MAD1L1: variants seen among roughly 807,000 people sequenced by gnomAD.
MAD1L1 encodes mitotic arrest deficient 1 like 1.
In MAD1L1, 95 loss-of-function variants were observed where a neutral mutation model predicts 96.9. That is an observed-to-expected ratio of 0.98 (90% CI 0.83 to 1.16). The LOEUF is 1.16. MAD1L1 is among the 50% of genes most tolerant of loss of function. The pLI, the probability that MAD1L1 is intolerant of heterozygous loss-of-function variation, is 0.00. For synonymous variants in MAD1L1, 473 were observed against 396.6 expected (o/e 1.19, Z -2.29); for missense variants, 1,007 against 954.4 (o/e 1.06, Z -0.73).
At chr7:1,887,169 A>C (rs1786089814) in intron 18 of MAD1L1, among the ~76,000 whole-genome samples, 1 of 152,270 alleles carries the variant, frequency 6.6e-6, no homozygotes, top group Non-Finnish European at 1.5e-5. Flanking sequence ...TCACAGAAGC[A>C]GGTGCCACAT....
chr7:1,847,293 G>A (rs1247564303), intron 18 of MAD1L1: 1 of 471,062 alleles, frequency 2.1e-6, no homozygotes, highest in Non-Finnish European at 4.4e-6. Flanking sequence ...TGCCAGGACT[G>A]CAGGAGCCGC....
intron 12 of MAD1L1, among the ~76,000 whole-genome samples, chr7:2,060,435 TGA>T (rs1291934778): frequency 6.7e-6 from 1 of 149,924 alleles, no homozygotes; most frequent in Non-Finnish European, 1.5e-5. Flanking sequence ...ACGCCGATGC[TGA>T]GATAACGCCG....
chr7:1,846,120 C>G (rs964201146), intron 18 of MAD1L1: 2 of 152,698 alleles, frequency 1.3e-5, no homozygotes, highest in Admixed American at 6.5e-5. Context: ...GCGTCCAGAA[C>G]TGAAGAAGGG....
At chr7:2,185,940 C>G (rs1791440509) in intron 10 of MAD1L1, among the ~76,000 whole-genome samples, 2 of 152,202 alleles carry the variant, frequency 1.3e-5, no homozygotes, top group South Asian at 4.1e-4. Flanking sequence ...TGCCTGAGAG[C>G]CTGAAAGCTA....
At chr7:2,129,791 C>T (rs904570948) in intron 11 of MAD1L1, among the ~76,000 whole-genome samples, 3 of 152,234 alleles carry the variant, frequency 2.0e-5, no homozygotes, top group Non-Finnish European at 4.4e-5. Context: ...CTCGAGCCAA[C>T]GGCCTCCCCC....
chr7:1,934,320 C>T (rs73050174), intron 17 of MAD1L1, among the ~76,000 whole-genome samples: 5,154 of 152,274 alleles, frequency 0.034, 195 homozygotes, highest in Admixed American at 0.099. Context: ...AGCCAGATGC[C>T]GACCACCCGC....
intron 11 of MAD1L1, among the ~76,000 whole-genome samples, chr7:2,082,247 G>A (rs752993582): frequency 2.2e-4 from 33 of 152,026 alleles, no homozygotes; most frequent in Non-Finnish European, 3.4e-4. Context: ...CAGCTGCACG[G>A]GAAACCAGAA....
intron 16 of MAD1L1, among the ~76,000 whole-genome samples, chr7:1,940,974 C>CCCTCCTCTTCCTCCCCAGGCCTCAG (rs1778948929): frequency 1.8e-5 from 2 of 114,150 alleles, no homozygotes; most frequent in Admixed American, 8.1e-5. Flanking sequence ...GCAGGCCTCA[C>CCCTCCTCTTCCTCCCCAGGCCTCAG]CCTCCTCTTC....
At chr7:1,966,994 A>G (rs1780197874) in intron 15 of MAD1L1, among the ~76,000 whole-genome samples, 1 of 152,234 alleles carries the variant, frequency 6.6e-6, no homozygotes, top group African/African-American at 2.4e-5. Context: ...GAGCATCGAC[A>G]ATGAAGGAGG....
intron 18 of MAD1L1, among the ~76,000 whole-genome samples, chr7:1,869,110 G>A (rs116904927): frequency 0.011 from 1,606 of 152,232 alleles, 17 homozygotes; most frequent in Non-Finnish European, 0.018. Flanking sequence ...GGGAACATCC[G>A]AGCAACGATC....
chr7:1,886,478 G>T (rs540194414), intron 18 of MAD1L1, among the ~76,000 whole-genome samples: 1 of 152,362 alleles, frequency 6.6e-6, no homozygotes, highest in Non-Finnish European at 1.5e-5. Context: ...CGATTCATGA[G>T]TCGACACCTC....
intron 18 of MAD1L1, among the ~76,000 whole-genome samples, chr7:1,822,418 C>T (rs1479020539): frequency 5.8e-5 from 8 of 139,000 alleles, no homozygotes; most frequent in Non-Finnish European, 1.1e-4. Context: ...TAATTGCTGT[C>T]CAAACCTCAG....
chr7:2,196,845 C>T (rs1257783618), intron 10 of MAD1L1, among the ~76,000 whole-genome samples: 1 of 152,214 alleles, frequency 6.6e-6, no homozygotes, highest in Non-Finnish European at 1.5e-5. Flanking sequence ...ACGGCTCCTA[C>T]TCCATGAGGC....
At chr7:2,095,210 A>G (rs1009267514) in intron 11 of MAD1L1, among the ~76,000 whole-genome samples, 59 of 151,934 alleles carry the variant, frequency 3.9e-4, no homozygotes, top group African/African-American at 1.4e-3. Flanking sequence ...GCCTGGCTAC[A>G]TTTTTTTGTA....
intron 18 of MAD1L1, among the ~76,000 whole-genome samples, chr7:1,827,250 C>G (rs1298155140): frequency 6.6e-6 from 1 of 152,322 alleles, no homozygotes; most frequent in South Asian, 2.1e-4. Flanking sequence ...CAGGGACTGG[C>G]CCCGAGGGCA....
intron 17 of MAD1L1, among the ~76,000 whole-genome samples, chr7:1,928,910 G>A (rs532649466): frequency 2.2e-4 from 34 of 152,320 alleles, no homozygotes; most frequent in Non-Finnish European, 4.7e-4. Context: ...ACCTCACTGA[G>A]GCCACCTGTG....
chr7:2,232,434 G>A (rs1584616154), intron 1 of MAD1L1, among the ~76,000 whole-genome samples: 1 of 152,208 alleles, frequency 6.6e-6, no homozygotes, highest in Admixed American at 6.5e-5. Context: ...CGAGCCACCA[G>A]GATGCCAAGA....
At chr7:2,140,457 G>A (rs974054453) in intron 11 of MAD1L1, among the ~76,000 whole-genome samples, 1 of 152,264 alleles carries the variant, frequency 6.6e-6, no homozygotes, top group Non-Finnish European at 1.5e-5. Context: ...CCGCAAAGCC[G>A]GGAGCAAGAG....
At chr7:1,863,608 G>C (rs1297035200) in intron 18 of MAD1L1, among the ~76,000 whole-genome samples, 1 of 152,210 alleles carries the variant, frequency 6.6e-6, no homozygotes, top group Non-Finnish European at 1.5e-5. Flanking sequence ...GGCTTGCAGA[G>C]ACCGTCACCT....
Sources: gnomAD v4.1 joint callset for allele counts (sites outside exome capture counted in the v4.1 genomes callset) on GRCh38, gnomAD v4.1.1 for gene constraint, MANE v1.5 for transcripts, NCBI Gene and HGNC (gene_info 2026-07-23, HGNC 2026-07-21) for gene names.